UNC5B: variants seen among roughly 807,000 people sequenced by gnomAD.
The protein encoded by UNC5B is netrin receptor UNC5B.
In UNC5B, 56 loss-of-function variants were observed where a neutral mutation model predicts 103.7. The ratio of observed to expected loss-of-function variants is 0.54; its 90% confidence interval spans 0.44 to 0.67. The LOEUF is 0.67. UNC5B is among the 30% of genes least tolerant of loss of function. The probability of loss-of-function intolerance (pLI) is 0.00; values close to 1 mark genes in which losing one functional copy is unlikely to be tolerated. For missense variants in UNC5B, 1,194 were observed against 1,284.5 expected (o/e 0.93, Z 1.08); for synonymous variants, 577 against 542.0 (o/e 1.06, Z -0.90).
chr10:71,246,480 C>G (rs1025634819), intron 1 of UNC5B, among the ~76,000 whole-genome samples: 1 of 152,056 alleles, frequency 6.6e-6, no homozygotes, highest in Admixed American at 6.5e-5. Flanking sequence ...TCCCTCTCTG[C>G]ACAGGGACCA....
intron 1 of UNC5B, among the ~76,000 whole-genome samples, chr10:71,227,701 C>CAGAT (rs1564707092): frequency 8.7e-6 from 1 of 115,582 alleles, no homozygotes; most frequent in Admixed American, 8.8e-5. Context: ...TATATATACA[C>CAGAT]ACATATACAC....
chr10:71,279,427 G>A (rs145807745), intron 1 of UNC5B, among the ~76,000 whole-genome samples: 16 of 152,312 alleles, frequency 1.1e-4, no homozygotes, highest in South Asian at 2.1e-4. Context: ...ATCTCGTGGC[G>A]TCACCATGAG....
In UNC5B at chr10:71,213,025, G is replaced by T; in HGVS notation, c.40G>T (p.Ala14Ser). The T allele has an allele frequency of 7.0e-7, 1 of 1,423,052 alleles. No homozygotes were observed. 88.2% of individuals were successfully genotyped at this position (1,423,052 alleles called of 1,614,324 possible). A position where few individuals can be genotyped will look rare whatever the true frequency, so the allele number is the denominator to read the frequency against. Residue 14 changes from alanine (A) to serine (S), a missense_variant, in exon 1 of 17, where the codon GCA (alanine) becomes TCA (serine). Coordinates refer to ENST00000335350, the MANE Select transcript of UNC5B (RefSeq NM_170744.5). The surrounding 1 kb of genome is among the most constrained non-coding windows in gnomAD (Gnocchi z 4.1). The stretch of plus-strand genomic sequence containing the variant: ...CGGAGCTCGGGGCGCGCTGCTGCTG[G>T]CACTGCTGCTCTGCTGGGACCCGAG... ...RSGARGALLL[A>S]LLLCWDPRLS...
chr10:71,296,000 A>C (rs1378593294), intron 14 of UNC5B, 40 bp downstream of exon 14: 1 of 1,611,116 alleles, frequency 6.2e-7, no homozygotes. Context: ...GCACCACTTA[A>C]GGGCTGCCCG....
intron 4 of UNC5B, 25 bp from the exon 5 acceptor site, chr10:71,286,664 T>C (rs77392374): frequency 0.024 from 38,864 of 1,613,150 alleles, 609 homozygotes; most frequent in Non-Finnish European, 0.029. Context: ...GGGCCCTCAC[T>C]GCCCCCTCAC....
At chr10:71,271,777 A>G (rs533175300) in intron 1 of UNC5B, among the ~76,000 whole-genome samples, 164 of 152,340 alleles carry the variant, frequency 1.1e-3, no homozygotes, top group African/African-American at 3.7e-3. Context: ...TTCAGGATGC[A>G]GGCCCCTGCC....
chr10:71,280,053 C>A lies in UNC5B; in HGVS notation c.304+8C>A. The stretch of plus-strand genomic sequence containing the variant: ...GCCTGGATGAGGCCACCGGTGAGCC[C>A]GCCCCACTTGCCTGGGCACCCCAGG... On this transcript the variant is annotated splice_region_variant and intron_variant, in intron 2 of 16. Transcript: ENST00000335350. 2 of 1,613,022 alleles carry A rather than the reference C, an allele frequency of 1.2e-6. No individual in the cohort carries two copies. Among genetic ancestry groups the A allele is most frequent in the Non-Finnish European group, 1.7e-6 (2 of 1,179,892 alleles).
chr10:71,224,383 A>G (rs1419431720), intron 1 of UNC5B, among the ~76,000 whole-genome samples: 81 of 150,898 alleles, frequency 5.4e-4, no homozygotes, highest in African/African-American at 1.5e-3. Flanking sequence ...ACACACACAC[A>G]CACACACACA....
intron 4 of UNC5B, 22 bp downstream of exon 4, chr10:71,285,451 A>G: frequency 6.4e-7 from 1 of 1,557,598 alleles, no homozygotes; most frequent in Non-Finnish European, 8.7e-7. Flanking sequence ...CGTAGGGACC[A>G]CTGAGCACGG....
At chr10:71,287,854 C>G in intron 6 of UNC5B, 89 bp downstream of exon 6, 1 of 1,510,148 alleles carries the variant, frequency 6.6e-7, no homozygotes, top group South Asian at 1.3e-5. Flanking sequence ...CATTCTCTCC[C>G]CAGCATGGGG....
chr10:71,230,464 T>C (rs1843660441), intron 1 of UNC5B, among the ~76,000 whole-genome samples: 1 of 152,242 alleles, frequency 6.6e-6, no homozygotes, highest in Admixed American at 6.5e-5. Flanking sequence ...AAAATTGCTT[T>C]CAATGTCCTG....
chr10:71,226,626 A>G (rs1843568899), intron 1 of UNC5B, among the ~76,000 whole-genome samples: 1 of 152,256 alleles, frequency 6.6e-6, no homozygotes, highest in Admixed American at 6.5e-5. Flanking sequence ...GAAAGTATTT[A>G]GTGATGGTAG....
Position 71,299,259 on chromosome 10 carries a change from C to T in UNC5B, c.2820C>T (p.Ala940=), listed in dbSNP as rs772208452. Residue 940 remains alanine (A), a synonymous_variant, in exon 17 of 17, where the codon GCC becomes GCT. Coordinates refer to ENST00000335350, the MANE Select transcript of UNC5B (RefSeq NM_170744.5). ...AGAGTGAGATGCTGGTGGCTGTGGCCACCGACGGGGACTGCTGAGCCTCCT... is the reference window on the plus strand; with the variant it reads ...AGAGTGAGATGCTGGTGGCTGTGGCTACCGACGGGGACTGCTGAGCCTCCT... The part of the protein sequence containing the change: ...MGKSEMLVAV[A]TDGDC 5.6e-6 allele frequency: 9 copies of T among 1,614,080 alleles called. No homozygotes were observed. The Admixed American group carries it at 1.5e-4, about 27-fold the overall frequency.
At chr10:71,284,285 C>A (rs1349992543) in intron 2 of UNC5B, among the ~76,000 whole-genome samples, 1 of 152,056 alleles carries the variant, frequency 6.6e-6, no homozygotes, top group Non-Finnish European at 1.5e-5. Flanking sequence ...TGCAAGGGCC[C>A]CGTGGCTGCA....
At chr10:71,265,308 T>C (rs890903689) in intron 1 of UNC5B, among the ~76,000 whole-genome samples, 6 of 152,234 alleles carry the variant, frequency 3.9e-5, no homozygotes, top group Middle Eastern at 3.4e-3. Flanking sequence ...GGGGTGAAGC[T>C]TCCCCTCTAG....
At chr10:71,231,503 G>A (rs531632158) in intron 1 of UNC5B, among the ~76,000 whole-genome samples, 27 of 152,294 alleles carry the variant, frequency 1.8e-4, no homozygotes, top group African/African-American at 6.3e-4. Flanking sequence ...AGACTTATGT[G>A]TTGACTCCCC....
chr10:71,268,748 C>T (rs960799933), intron 1 of UNC5B, among the ~76,000 whole-genome samples: 3 of 152,182 alleles, frequency 2.0e-5, no homozygotes, highest in East Asian at 1.9e-4. Context: ...GCTTTCAGGG[C>T]GGCATGGGGA....
chr10:71,250,510 C>A (rs1844148947), intron 1 of UNC5B, among the ~76,000 whole-genome samples: 1 of 152,184 alleles, frequency 6.6e-6, no homozygotes, highest in Non-Finnish European at 1.5e-5. Flanking sequence ...AAATCTAGGG[C>A]AGCAGTGGCA....
chr10:71,292,329 C>T (rs1047755510), intron 10 of UNC5B, 138 bp from the exon 11 acceptor site: 2 of 712,950 alleles, frequency 2.8e-6, no homozygotes, highest in Non-Finnish European at 4.7e-6. Context: ...GTCCCCAGAC[C>T]CTGTCTCCCA....
Sources: gnomAD v4.1 joint callset for allele counts (sites outside exome capture counted in the v4.1 genomes callset) on GRCh38, gnomAD v4.1.1 for gene constraint, Gnocchi (gnomAD v3.1) non-coding constraint, MANE v1.5 for transcripts, NCBI Gene and HGNC (gene_info 2026-07-23, HGNC 2026-07-21) for gene names.